The following STAC3 variants were observed in gnomAD, a reference collection of about 807,000 sequenced individuals.
The protein encoded by STAC3 is SH3 and cysteine rich domain 3, also known as SH3 and cysteine-rich domain-containing protein 3.
In STAC3, 30 loss-of-function variants were observed where a neutral mutation model predicts 48.5. That is an observed-to-expected ratio of 0.62 (90% confidence interval 0.46 to 0.84). The LOEUF (loss-of-function observed/expected upper bound fraction) is 0.84, where lower values mean the gene tolerates loss of function less well. Among genes scored for constraint, STAC3 ranks in the 40% least tolerant of loss-of-function variants. The pLI is 0.00. For synonymous variants in STAC3, 144 were observed against 158.6 expected (o/e 0.91, Z 0.69); for missense variants, 419 against 462.6 (o/e 0.91, Z 0.86).
At chr12:57,248,525 C>A (rs912429859) in intron 4 of STAC3, among the ~76,000 whole-genome samples, 181 bp downstream of exon 4, 2 of 152,078 alleles carry the variant, frequency 1.3e-5, no homozygotes, top group Non-Finnish European at 2.9e-5. Flanking sequence ...ACTACAGGCA[C>A]CTGTCACCAC....
chr12:57,246,976 G>T, intron 5 of STAC3, 75 bp from the exon 6 acceptor site: 1 of 1,433,520 alleles, frequency 7.0e-7, no homozygotes, highest in Non-Finnish European at 9.8e-7. Flanking sequence ...AGGGAGAGGT[G>T]GGATTGAGTA....
intron 8 of STAC3, 102 bp downstream of exon 8, chr12:57,244,814 C>T (rs1256342463): frequency 1.4e-6 from 2 of 1,458,340 alleles, no homozygotes; most frequent in East Asian, 4.5e-5. Context: ...TGATGGGAAG[C>T]CTAGGAGTTA....
Position 57,246,789 on chromosome 12 carries a change from A to C in STAC3, c.603+15T>G. 1 of 1,609,486 alleles carries C rather than the reference A, an allele frequency of 6.2e-7. No homozygotes were observed. The highest frequency in any genetic ancestry group is 8.5e-7 in the Non-Finnish European group (1 of 1,176,036). On this transcript the variant is annotated intron_variant, in intron 6 of 11. Transcript: ENST00000332782. The stretch of plus-strand genomic sequence containing the variant: ...GATCTCTGGGAGGGACCTCGTGGGG[A>C]GGTACAGTGCTCACATTTTTCTTAT...
At position 57,249,008 on chromosome 12, in the gene STAC3, A is replaced by G. The variant is rs367670055; in HGVS notation, c.334+33T>C. 4.4e-4 allele frequency: 685 copies of G among 1,567,910 alleles called. 1 individual carries two copies. The highest frequency in any genetic ancestry group is 8.7e-4 in the Admixed American group (49 of 56,040). On this transcript the variant is annotated intron_variant, in intron 3 of 11. Coordinates refer to ENST00000332782, the MANE Select transcript of STAC3 (RefSeq NM_145064.3). ...CTCTCCCCAAACCTCTGCCTTCAATATCATACTCTCTTCACTTCCCTTCAT... is the reference window on the plus strand; with the variant it reads ...CTCTCCCCAAACCTCTGCCTTCAATGTCATACTCTCTTCACTTCCCTTCAT...
intron 6 of STAC3, among the ~76,000 whole-genome samples, 190 bp from the exon 7 acceptor site, chr12:57,245,401 T>A (rs2037714059): frequency 6.6e-6 from 1 of 150,634 alleles, no homozygotes; most frequent in Non-Finnish European, 1.5e-5. Context: ...GAGACGGGTC[T>A]CCCTCCGTCA....
At position 57,249,277 on chromosome 12, in the gene STAC3, C is replaced by A; in HGVS notation, c.98G>T (p.Gly33Val). The A allele has an allele frequency of 2.5e-6, 4 of 1,606,680 alleles. No homozygotes were observed. Among genetic ancestry groups the A allele is most frequent in the East Asian group, 2.2e-5 (1 of 44,776 alleles). ...LQRLKQLLRK[G>V]STGTKEMELP... ...TTCCATCTCCTTTGTCCCTGTAGAA[C>A]CCTTCCTGAGTAACTGCTTTAGCCG... is the stretch of plus-strand genomic sequence containing the variant. The change falls in exon 3 of 12, where the codon GGT (glycine) becomes GTT (valine). Residue 33 changes from glycine to valine, a missense_variant. Coordinates refer to ENST00000332782, the MANE Select transcript of STAC3 (RefSeq NM_145064.3).
chr12:57,244,504 G>C, intron 9 of STAC3, 33 bp downstream of exon 9: 1 of 1,613,274 alleles, frequency 6.2e-7, no homozygotes, highest in Non-Finnish European at 8.5e-7. Context: ...TCTTCACTCC[G>C]CAGTACCAGC....
At chr12:57,245,075 C>T in intron 7 of STAC3, 70 bp downstream of exon 7, 2 of 1,606,420 alleles carry the variant, frequency 1.2e-6, no homozygotes, top group Admixed American at 1.7e-5. Context: ...CCCTTTGCTC[C>T]TCCACCCTCT....
At chr12:57,248,221 G>A (rs749304747) in intron 4 of STAC3, 23 bp from the exon 5 acceptor site, 1 of 1,595,680 alleles carries the variant, frequency 6.3e-7, no homozygotes, top group Non-Finnish European at 8.6e-7. Flanking sequence ...ATGAGAGGAA[G>A]CATTAGAGGT....
intron 3 of STAC3, 26 bp downstream of exon 3, chr12:57,249,015 T>G (rs1156544692): frequency 1.3e-6 from 2 of 1,569,264 alleles, no homozygotes; most frequent in Non-Finnish European, 1.7e-6. Flanking sequence ...AATATCATAC[T>G]CTCTTCACTT....
Position 57,244,340 on chromosome 12 carries a change from T to C in STAC3, c.833A>G (p.Asp278Gly), listed in dbSNP as rs780176798. 10 of 1,614,176 alleles carry C rather than the reference T, an allele frequency of 6.2e-6. No homozygotes were observed. The highest frequency in any genetic ancestry group is 3.3e-4 in the Middle Eastern group (2 of 6,062). Reference sequence around the variant, plus strand: ...CCGCCACCATTCTTCATTGGAGTCATCAATGACTGTGATCTTCTCTCCTGG... The same window carrying C: ...CCGCCACCATTCTTCATTGGAGTCACCAATGACTGTGATCTTCTCTCCTGG... ...FPPGEKITVI[D>G]DSNEEWWRGK... Residue 278 changes from aspartate (D) to glycine (G), a missense_variant, in exon 10 of 12, where the codon GAT becomes GGT. Asp to Gly is a moderately conservative substitution (Grantham distance 94). Transcript: ENST00000332782.
Position 57,243,796 on chromosome 12 carries a change from G to C in STAC3, c.*16C>G, listed in dbSNP as rs997504967. On this transcript the variant is annotated 3_prime_UTR_variant, in exon 12 of 12. Transcript: ENST00000332782. ...AATGGGGTGTGGGTGTCTCCCGCTT[G>C]CAGGCGCCCGCACGCCTAAATTTCC... 5.0e-6 allele frequency: 8 copies of C among 1,611,368 alleles called. No individual in the cohort carries two copies. In the South Asian group the frequency reaches 7.7e-5, roughly 16 times the overall value.
chr12:57,249,197 T>C lies in STAC3; in HGVS notation c.178A>G (p.Ile60Val), dbSNP rs776211682. ...GEAVGAGGGP[I>V]YYIYEEEEEE... is the part of the protein sequence containing the mutation. ...TCCTCTTCCTCATAGATGTAGTAGATGGGCCCACCCCCAGCTCCCACTGCC... is the reference window on the plus strand; with the variant it reads ...TCCTCTTCCTCATAGATGTAGTAGACGGGCCCACCCCCAGCTCCCACTGCC... The change falls in exon 3 of 12, where the codon ATC (isoleucine) becomes GTC (valine). Residue 60 changes from isoleucine (I) to valine (V), a missense_variant. Physicochemically the swap from Ile to Val is conservative, Grantham distance 29. Transcript: ENST00000332782. The C allele has an allele frequency of 6.2e-7, 1 of 1,614,098 alleles. No homozygotes were observed. The highest frequency in any genetic ancestry group is 1.1e-5 in the South Asian group (1 of 91,080).
chr12:57,250,277 C>T (rs1490729441), intron 1 of STAC3, among the ~76,000 whole-genome samples: 1 of 151,526 alleles, frequency 6.6e-6, no homozygotes, highest in Non-Finnish European at 1.5e-5. Context: ...GTAATCCCAT[C>T]CACTCAGGAA....
Position 57,249,095 on chromosome 12 carries a change from C to T in STAC3, c.280G>A (p.Asp94Asn), listed in dbSNP as rs368386121. The T allele has an allele frequency of 1.4e-5, 23 of 1,611,402 alleles. No homozygotes were observed. Among genetic ancestry groups the T allele is most frequent in the Non-Finnish European group, 2.0e-5 (23 of 1,178,752 alleles). ...AACTTTGGCTTCTTGAAGAAGTGAT[C>T]TTTGAATTTGTGGGGCTTATCGTTG... ...LVNDKPHKFKDHFFKKPKFCD... is the reference protein window; with the variant it reads ...LVNDKPHKFKNHFFKKPKFCD... Residue 94 changes from aspartate (D) to asparagine (N), a missense_variant, in exon 3 of 12, where the codon GAT (aspartate) becomes AAT (asparagine). Transcript: ENST00000332782.
In STAC3 at chr12:57,245,163, C is replaced by T. The variant is rs753872266; in HGVS notation, c.652G>A (p.Glu218Lys). 1.2e-6 allele frequency: 2 copies of T among 1,614,134 alleles called. No individual in the cohort carries two copies. Among genetic ancestry groups the T allele is most frequent in the Admixed American group, 3.3e-5 (2 of 60,020 alleles). Residue 218 changes from glutamate to lysine, a missense_variant, in exon 7 of 12, where the codon GAA becomes AAA. By Grantham distance (56) the Glu-to-Lys change is moderately conservative (BLOSUM62 1). Transcript: ENST00000332782. ...EEEPESARPE[E>K]GKPQDGNPEG... ...CACTCACCATCCTGGGGTTTGCCTTCCTCTGGTCTGGCCGACTCTGGCTCC... is the reference window on the plus strand; with the variant it reads ...CACTCACCATCCTGGGGTTTGCCTTTCTCTGGTCTGGCCGACTCTGGCTCC...
At chr12:57,244,272 G>T (rs1298981319) in intron 10 of STAC3, 43 bp downstream of exon 10, 2 of 1,614,112 alleles carry the variant, frequency 1.2e-6, no homozygotes, top group Non-Finnish European at 1.7e-6. Context: ...TCGGGTTCTG[G>T]ACTCAACCCA....
chr12:57,249,407 G>A (rs1303820966), intron 2 of STAC3, 99 bp from the exon 3 acceptor site: 2 of 1,505,238 alleles, frequency 1.3e-6, no homozygotes, highest in Admixed American at 2.1e-5. Context: ...TCTAGTTTCA[G>A]GCAAGGAATG....
rs1192324829 is a variant in STAC3, at chr12:57,244,530, C to T, written c.806+7G>A. 1 of 1,614,108 alleles carries T rather than the reference C, an allele frequency of 6.2e-7. No homozygotes were observed. The highest frequency in any genetic ancestry group is 1.3e-5 in the African/African-American group (1 of 74,956). On this transcript the variant is annotated splice_region_variant and intron_variant, in intron 9 of 11. Transcript: ENST00000332782. ...CAGTACCAGCCCCCTGCCCCAAGGC[C>T]TCTCACGGGAAATCCAGATCGTCCT...
Sources: gnomAD v4.1 joint callset for allele counts (sites outside exome capture counted in the v4.1 genomes callset) on GRCh38, gnomAD v4.1.1 for gene constraint, MANE v1.5 for transcripts, NCBI Gene and HGNC (gene_info 2026-07-23, HGNC 2026-07-21) for gene names.